Variants in IQGAP2 observed in about 807,000 individuals in gnomAD.
The protein encoded by IQGAP2 is IQ motif containing GTPase activating protein 2, also known as ras GTPase-activating-like protein IQGAP2.
In IQGAP2, 173 loss-of-function variants were observed where a neutral mutation model predicts 201.3. That is an observed-to-expected ratio of 0.86 (90% CI 0.76 to 0.98). The LOEUF is 0.98. IQGAP2 is among the 50% of genes least tolerant of loss of function. The pLI is 0.00. For synonymous variants in IQGAP2, 675 were observed against 673.9 expected (o/e 1.00, Z -0.03); for missense variants, 1,687 against 1,864.8 (o/e 0.90, Z 1.76).
intron 4 of IQGAP2, among the ~76,000 whole-genome samples, chr5:76,571,982 C>G (rs995244911): frequency 1.3e-5 from 2 of 152,164 alleles, no homozygotes; most frequent in Admixed American, 6.5e-5. Flanking sequence ...ACAATCAAGA[C>G]ACAGACACAC....
At chr5:76,426,501 T>G (rs866447068) in intron 1 of IQGAP2, among the ~76,000 whole-genome samples, 2 of 152,198 alleles carry the variant, frequency 1.3e-5, no homozygotes, top group South Asian at 4.1e-4. Context: ...CCGGGTTCCT[T>G]TTCAGGAAAG....
intron 35 of IQGAP2, 93 bp downstream of exon 35, chr5:76,702,683 A>G: frequency 3.8e-6 from 2 of 530,286 alleles, no homozygotes; most frequent in East Asian, 2.8e-5. Context: ...ACAACAATAA[A>G]GTTTAACAGA....
intron 2 of IQGAP2, among the ~76,000 whole-genome samples, chr5:76,468,874 A>G (rs1304945315): frequency 6.6e-6 from 1 of 152,056 alleles, no homozygotes. Context: ...TCACTTTTTC[A>G]GGGTATCCTT....
chr5:76,627,787 G>A (rs2455223), intron 14 of IQGAP2, among the ~76,000 whole-genome samples: 84,804 of 151,972 alleles, frequency 0.56, 23,748 homozygotes, highest in South Asian at 0.61. Context: ...GATTTTTAGA[G>A]AACTAGACCA....
intron 4 of IQGAP2, among the ~76,000 whole-genome samples, chr5:76,573,504 A>C (rs1745258478): frequency 6.6e-6 from 1 of 152,272 alleles, no homozygotes; most frequent in Non-Finnish European, 1.5e-5. Flanking sequence ...GTCATTTATA[A>C]TGGCTTTCCA....
intron 28 of IQGAP2, among the ~76,000 whole-genome samples, chr5:76,679,475 A>C (rs1234483429): frequency 6.6e-6 from 1 of 152,232 alleles, no homozygotes; most frequent in Non-Finnish European, 1.5e-5. Flanking sequence ...GTGTGCAGAC[A>C]CAAGCACAGC....
chr5:76,471,373 A>AAAAC (rs138967597), intron 2 of IQGAP2, among the ~76,000 whole-genome samples: 9,277 of 107,424 alleles, frequency 0.086, 337 homozygotes, highest in South Asian at 0.17. Flanking sequence ...GCAAAAAAAA[A>AAAAC]AAAAAAAAAA....
intron 35 of IQGAP2, among the ~76,000 whole-genome samples, 194 bp downstream of exon 35, chr5:76,702,784 T>C (rs1384526119): frequency 6.9e-6 from 1 of 144,530 alleles, no homozygotes; most frequent in Non-Finnish European, 1.5e-5. Context: ...ATTGATATGC[T>C]TCTAGCTGGC....
At chr5:76,658,319 G>T (rs766405614) in intron 20 of IQGAP2, 140 bp from the exon 21 acceptor site, 9 of 702,350 alleles carry the variant, frequency 1.3e-5, no homozygotes, top group Non-Finnish European at 2.2e-5. Flanking sequence ...TTGTGTGGGG[G>T]TGGGTAGAAT....
chr5:76,700,511 C>CA (rs59827205), intron 33 of IQGAP2, among the ~76,000 whole-genome samples: 49,362 of 145,540 alleles, frequency 0.34, 8,190 homozygotes, highest in Non-Finnish European at 0.37. Context: ...CAAAACAAAA[C>CA]AAAAAACCTC....
rs182138216 is a variant in IQGAP2 at position 76,545,457 on chromosome 5, C to A, written c.147-16939C>A. ...TGGTGGACTCTGGTTTGTGCTGGAC[C>A]CCTAAAAGTTATTTCCTTTTATCCC... On this transcript the variant is annotated intron_variant, in intron 2 of 35. Transcript: ENST00000274364. Among the ~76,000 whole-genome samples, 4 of 152,254 alleles carry A rather than the reference C, an allele frequency of 2.6e-5. No homozygotes were observed. The East Asian group carries it at 7.7e-4, about 29-fold the overall frequency.
In IQGAP2 at chr5:76,673,859, C is replaced by T. The variant is rs530099058; in HGVS notation, c.3210-93C>T. ...TTATGTTTAATTTTTAGAAAAACTACTCAGCTGAAGTTGACTGGAACAATT... is the reference window on the plus strand; with the variant it reads ...TTATGTTTAATTTTTAGAAAAACTATTCAGCTGAAGTTGACTGGAACAATT... On this transcript the variant is annotated intron_variant, in intron 25 of 35. Coordinates refer to ENST00000274364, the MANE Select transcript of IQGAP2 (RefSeq NM_006633.5). The T allele has an allele frequency of 3.2e-4, 254 of 805,250 alleles. 2 individuals are homozygous for T. In the South Asian group the frequency reaches 3.6e-3, roughly 12 times the overall value. 49.9% of individuals were successfully genotyped at this position (805,250 alleles called of 1,614,324 possible). A position where few individuals can be genotyped will look rare whatever the true frequency, so the allele number is the denominator to read the frequency against.
chr5:76,654,978 A>T lies in IQGAP2; in HGVS notation c.2295A>T (p.Lys765Asn), dbSNP rs1366529199. 1 of 1,612,606 alleles carries T rather than the reference A, an allele frequency of 6.2e-7. No homozygotes were observed. Among genetic ancestry groups the T allele is most frequent in the Non-Finnish European group, 8.5e-7 (1 of 1,178,964 alleles). ...TACAGTCACTGTTGAGAGCGAACAA[A>T]GCTAGAGATGACTACAAAACATTGG... ...VKIQSLLRAN[K>N]ARDDYKTLVG... The change falls in exon 20 of 36, where the codon AAA becomes AAT. Residue 765 changes from lysine to asparagine, a missense_variant. By Grantham distance (94) the Lys-to-Asn change is moderately conservative. Transcript: ENST00000274364.
chr5:76,476,735 G>A (rs1561400247), intron 2 of IQGAP2, among the ~76,000 whole-genome samples: 1 of 152,010 alleles, frequency 6.6e-6, no homozygotes, highest in Non-Finnish European at 1.5e-5. Context: ...CTGTGGTAGG[G>A]GCCCATTAGA....
intron 11 of IQGAP2, among the ~76,000 whole-genome samples, chr5:76,601,950 T>A (rs1747457092): frequency 6.6e-6 from 1 of 152,194 alleles, no homozygotes; most frequent in Non-Finnish European, 1.5e-5. Context: ...AGAGTGTGTT[T>A]CCAAGGTAAT....
chr5:76,676,193 C>T (rs1744803382), intron 27 of IQGAP2, among the ~76,000 whole-genome samples: 1 of 152,040 alleles, frequency 6.6e-6, no homozygotes. Context: ...CATTTATGTT[C>T]CCACCTATTC....
Position 76,589,644 on chromosome 5 carries a change from C to T in IQGAP2, c.556C>T (p.Leu186Phe). 6.2e-7 allele frequency: 1 copy of T among 1,605,144 alleles called. No individual in the cohort carries two copies. The highest frequency in any genetic ancestry group is 8.5e-7 in the Non-Finnish European group (1 of 1,174,888). Reference sequence around the variant, plus strand: ...GGAAATCAGTAATATGAGAAAAGAACTTGAGAAATATGGAATACAGATGCC... The same window carrying T: ...GGAAATCAGTAATATGAGAAAAGAATTTGAGAAATATGGAATACAGATGCC... ...EEEISNMRKE[L>F]EKYGIQMPSF... Residue 186 changes from leucine to phenylalanine, a missense_variant, in exon 7 of 36, where the codon CTT (leucine) becomes TTT (phenylalanine). By Grantham distance (22) the Leu-to-Phe change is conservative. Coordinates refer to ENST00000274364, the MANE Select transcript of IQGAP2 (RefSeq NM_006633.5).
intron 2 of IQGAP2, among the ~76,000 whole-genome samples, chr5:76,518,449 A>C (rs934335669): frequency 6.6e-6 from 1 of 152,156 alleles, no homozygotes; most frequent in Non-Finnish European, 1.5e-5. Context: ...TATCATGAGA[A>C]CAGCACAGGA....
intron 2 of IQGAP2, among the ~76,000 whole-genome samples, chr5:76,471,380 A>C (rs1051940526): frequency 6.9e-6 from 1 of 144,898 alleles, no homozygotes; most frequent in African/African-American, 2.6e-5. Flanking sequence ...AAAAAAAAAA[A>C]AAAAAACACC....
Sources: allele counts gnomAD v4.1 joint callset (sites outside exome capture counted in the v4.1 genomes callset), GRCh38; gene constraint gnomAD v4.1.1; transcripts MANE v1.5; gene names NCBI Gene and HGNC (gene_info 2026-07-23, HGNC 2026-07-21).